GPHN: variants seen among roughly 807,000 people sequenced by gnomAD.
GPHN encodes the protein gephyrin.
GPHN carries 17 observed loss-of-function variants against 95.5 expected under a neutral mutation model. The observed-to-expected ratio is 0.18, with a 90% CI of 0.12 to 0.27. The LOEUF is 0.27. Among genes scored for constraint, GPHN ranks in the 10% least tolerant of loss-of-function variants. The pLI, the probability that GPHN is intolerant of heterozygous loss-of-function variation, is 1.00. For synonymous variants in GPHN, 320 were observed against 322.5 expected, an observed-to-expected ratio of 0.99 and a Z score of 0.08; for missense variants, 660 against 978.1, an observed-to-expected ratio of 0.67 and a Z score of 4.34.
chr14:67,203,585 G>C, the GPHN span, among the ~76,000 whole-genome samples: 5 of 152,216 alleles, frequency 3.3e-5, no homozygotes, highest in African/African-American at 1.2e-4. Flanking sequence ...CCAGCTTCCA[G>C]CAGAATTAGC....
chr14:67,178,181 TTTTTG>T lies in GPHN; in HGVS notation c.2080-1396_2080-1392del, dbSNP rs562617328. On this transcript the variant is annotated intron_variant, in intron 21 of 22. Transcript: ENST00000478722. ...TCAATGATCTTTACAATTTGGCATA[TTTTTG>T]CAGTGGCAGGTACCAATTATTCCTT... Among the ~76,000 whole-genome samples, 586 of 152,300 alleles carry T rather than the reference TTTTTG, an allele frequency of 3.8e-3. 5 individuals carry two copies. Among genetic ancestry groups the T allele is most frequent in the African/African-American group, 0.014 (563 of 41,550 alleles).
chr14:66,555,521 A>G (rs1444453817), intron 1 of GPHN, among the ~76,000 whole-genome samples: 2 of 152,166 alleles, frequency 1.3e-5, no homozygotes, highest in Non-Finnish European at 2.9e-5. Flanking sequence ...TGCCTTTTGA[A>G]AGACTCATTG....
chr14:67,111,967 GATC>G, intron 15 of GPHN, 48 bp downstream of exon 15: 1 of 1,341,052 alleles, frequency 7.5e-7, no homozygotes, highest in South Asian at 1.2e-5. Context: ...GTTTCTACAT[GATC>G]ATTTACTCAG....
At chr14:67,557,460 A>G in the GPHN span, 3 of 1,590,274 alleles carry the variant, frequency 1.9e-6, no homozygotes, top group South Asian at 2.2e-5. Flanking sequence ...CCTCTTCGAC[A>G]TCTGTACTGC....
At chr14:67,301,562 T>A in the GPHN span, 1 of 706,092 alleles carries the variant, frequency 1.4e-6, no homozygotes, top group Non-Finnish European at 2.3e-6. Context: ...TGTCAAACAT[T>A]CTCTAGCCTA....
chr14:67,412,715 C>T, the GPHN span, among the ~76,000 whole-genome samples: 1 of 152,118 alleles, frequency 6.6e-6, no homozygotes, highest in Non-Finnish European at 1.5e-5. Flanking sequence ...ACCAAGGAGT[C>T]CAGTAACCTA....
At chr14:66,733,108 T>G (rs990892843) in intron 2 of GPHN, among the ~76,000 whole-genome samples, 2 of 152,110 alleles carry the variant, frequency 1.3e-5, no homozygotes, top group African/African-American at 4.8e-5. Flanking sequence ...GATTGGATCA[T>G]GGGGGCAGTT....
Position 66,921,441 on chromosome 14 carries a change from ATTG to A in GPHN, c.457-1222_457-1220del, listed in dbSNP as rs573066195. ...TGTCATTAGCCCACTTTTTGATGGG[ATTG>A]TTTTTTTTTTTTTTTCTTACTGATT... On this transcript the variant is annotated intron_variant, in intron 6 of 22. Transcript: ENST00000478722. 1.0e-2 allele frequency among the ~76,000 whole-genome samples: 1,398 copies of A among 140,096 alleles called. 12 individuals carry two copies. Among genetic ancestry groups the A allele is most frequent in the Non-Finnish European group, 0.015 (964 of 64,348 alleles). The allele number at this position is 140,096 out of a possible 152,430, so 91.9% of individuals were successfully genotyped here.
the GPHN span, among the ~76,000 whole-genome samples, chr14:67,550,919 C>A: frequency 6.6e-6 from 1 of 152,208 alleles, no homozygotes; most frequent in East Asian, 1.9e-4. Flanking sequence ...GAGATACTAA[C>A]AGTACCTGCC....
chr14:67,266,969 C>T, the GPHN span, among the ~76,000 whole-genome samples: 3 of 151,706 alleles, frequency 2.0e-5, no homozygotes, highest in East Asian at 2.0e-4. Context: ...ATTAGCCAGG[C>T]GTGGTGGCCC....
the GPHN span, among the ~76,000 whole-genome samples, chr14:67,501,738 C>T: frequency 6.6e-6 from 1 of 152,206 alleles, no homozygotes; most frequent in Non-Finnish European, 1.5e-5. Flanking sequence ...AGTCCCCTAT[C>T]TAAGAGCCTT....
At chr14:66,514,577 A>AT (rs2058167032) in intron 1 of GPHN, among the ~76,000 whole-genome samples, 1 of 152,102 alleles carries the variant, frequency 6.6e-6, no homozygotes, top group South Asian at 2.1e-4. Context: ...GACCTAGTTA[A>AT]TTTTTTTCTG....
At chr14:67,222,836 C>G in the GPHN span, among the ~76,000 whole-genome samples, 1 of 151,820 alleles carries the variant, frequency 6.6e-6, no homozygotes, top group Non-Finnish European at 1.5e-5. Context: ...GAACATTTAA[C>G]TTGGCATAAG....
In GPHN at chr14:66,510,092, C is replaced by T. The variant is rs566306353; in HGVS notation, c.64+1501C>T. Among the ~76,000 whole-genome samples the T allele has an allele frequency of 3.9e-5, 6 of 152,332 alleles. No homozygotes were observed. In the East Asian group the frequency reaches 1.2e-3, roughly 29 times the overall value. ...GGGAACCCCCAAATCAGAAGGTGCG[C>T]TGTTCTCTTCTTTTGGTCCTGAAAC... On this transcript the variant is annotated intron_variant, in intron 1 of 22. Coordinates refer to ENST00000478722, the MANE Select transcript of GPHN (RefSeq NM_020806.5).
the GPHN span, chr14:67,201,615 G>C: frequency 1.8e-5 from 8 of 446,836 alleles, no homozygotes; most frequent in African/African-American, 1.6e-4. Flanking sequence ...CTGGCAAGGG[G>C]TGTGGAGTGG....
chr14:67,348,371 A>G, the GPHN span, among the ~76,000 whole-genome samples: 2 of 151,538 alleles, frequency 1.3e-5, no homozygotes, highest in Non-Finnish European at 2.9e-5. Context: ...CACCCGGCCT[A>G]ATTTTTGTAT....
intron 2 of GPHN, among the ~76,000 whole-genome samples, chr14:66,744,822 CTG>C (rs1181102597): frequency 6.6e-6 from 1 of 151,906 alleles, no homozygotes; most frequent in African/African-American, 2.4e-5. Context: ...ATTTTAGTCA[CTG>C]TTACTTGTTA....
chr14:67,009,213 G>C (rs997657553), intron 9 of GPHN, among the ~76,000 whole-genome samples: 11 of 151,766 alleles, frequency 7.2e-5, no homozygotes, highest in African/African-American at 2.7e-4. Flanking sequence ...CAGCCACTGA[G>C]AAAGAGTATG....
intron 21 of GPHN, 100 bp from the exon 22 acceptor site, chr14:67,179,478 C>T (rs1362524401): frequency 1.3e-6 from 1 of 741,102 alleles, no homozygotes; most frequent in Non-Finnish European, 2.5e-6. Context: ...CAAGGTTAGT[C>T]TCCATGTCCA....
Sources: gnomAD v4.1 joint callset for allele counts (sites outside exome capture counted in the v4.1 genomes callset) on GRCh38, gnomAD v4.1.1 for gene constraint, MANE v1.5 for transcripts, NCBI Gene and HGNC (gene_info 2026-07-23, HGNC 2026-07-21) for gene names.